CDH12: variants seen among roughly 807,000 people sequenced by gnomAD.
CDH12 encodes the protein cadherin 12, also known as cadherin-12.
CDH12 carries 41 observed loss-of-function variants against 74.1 expected under a neutral mutation model. That is an observed-to-expected ratio of 0.55 (90% CI 0.43 to 0.72). The LOEUF (loss-of-function observed/expected upper bound fraction) is 0.72. Ranked by LOEUF, CDH12 falls within the 30% of genes least tolerant of loss-of-function variation. The pLI, the probability that CDH12 is intolerant of heterozygous loss-of-function variation, is 0.00. For synonymous variants in CDH12, 399 were observed against 355.0 expected, an observed-to-expected ratio of 1.12 and a Z score of -1.39; for missense variants, 945 against 977.2, an observed-to-expected ratio of 0.97 and a Z score of 0.44.
chr5:22,472,538 T>C (rs10036408), intron 2 of CDH12, among the ~76,000 whole-genome samples: 84,056 of 151,908 alleles, frequency 0.55, 23,489 homozygotes, highest in Admixed American at 0.69. Flanking sequence ...CTGGATTTCT[T>C]GTAGGAATTT....
chr5:22,104,132 G>T (rs1485003317), intron 4 of CDH12, among the ~76,000 whole-genome samples: 1 of 152,136 alleles, frequency 6.6e-6, no homozygotes, highest in Non-Finnish European at 1.5e-5. Flanking sequence ...TAATCAAATA[G>T]TAACAGAAAC....
rs571101370 is a variant in CDH12 at position 21,760,971 on chromosome 5, T to C, written c.1516-296A>G. On this transcript the variant is annotated intron_variant, in intron 12 of 14. Coordinates refer to ENST00000382254, the MANE Select transcript of CDH12 (RefSeq NM_004061.5). ...TAAGCAAAGTAAAATTAAAATGTAC[T>C]TGCTTGCATTTTAAATTAGATGAAA... is the stretch of plus-strand genomic sequence containing the variant. 9.5e-4 allele frequency among the ~76,000 whole-genome samples: 145 copies of C among 152,292 alleles called. 4 individuals carry two copies. The highest frequency in any genetic ancestry group is 3.4e-3 in the Middle Eastern group (1 of 294).
At chr5:22,431,204 AATAT>A (rs1428401807) in intron 2 of CDH12, among the ~76,000 whole-genome samples, 2 of 152,186 alleles carry the variant, frequency 1.3e-5, no homozygotes, top group African/African-American at 4.8e-5. Context: ...ACAGCAATCA[AATAT>A]ATTAAGCCAC....
At chr5:22,366,506 G>A (rs1217918599) in intron 3 of CDH12, among the ~76,000 whole-genome samples, 1 of 151,994 alleles carries the variant, frequency 6.6e-6, no homozygotes, top group African/African-American at 2.4e-5. Context: ...TCCTTCTGGA[G>A]ATAAAGTTTA....
Position 22,336,614 on chromosome 5 carries a change from C to G in CDH12, c.-333+68643G>C, listed in dbSNP as rs140817384. Among the ~76,000 whole-genome samples, 264 of 152,340 alleles carry G rather than the reference C, an allele frequency of 1.7e-3. 7 individuals carry two copies. In the East Asian group the frequency reaches 0.037, roughly 21 times the overall value. On this transcript the variant is annotated intron_variant, in intron 3 of 14. Coordinates refer to ENST00000382254, the MANE Select transcript of CDH12 (RefSeq NM_004061.5). ...GCTTCAGAGGGTGCAAGCCACAAGC[C>G]TTAGCAGTTTCCACATGGTGTTGAG...
chr5:22,728,182 C>G (rs1248760776), intron 1 of CDH12, among the ~76,000 whole-genome samples: 7 of 151,664 alleles, frequency 4.6e-5, no homozygotes, highest in Non-Finnish European at 1.0e-4. Context: ...ACTTTAAAAG[C>G]TATTGATTGA....
At chr5:22,087,852 G>A (rs534893835) in intron 4 of CDH12, among the ~76,000 whole-genome samples, 37 of 152,180 alleles carry the variant, frequency 2.4e-4, no homozygotes, top group African/African-American at 8.9e-4. Context: ...GCTCCTACAG[G>A]GATAGATTTA....
chr5:22,768,830 G>C (rs1580981427), intron 1 of CDH12, among the ~76,000 whole-genome samples: 1 of 152,108 alleles, frequency 6.6e-6, no homozygotes, highest in East Asian at 1.9e-4. Flanking sequence ...CTATAATTGT[G>C]GGAAATTTAA....
chr5:22,595,239 G>A (rs544022446), intron 1 of CDH12, among the ~76,000 whole-genome samples: 84 of 152,266 alleles, frequency 5.5e-4, no homozygotes, highest in African/African-American at 1.9e-3. Context: ...AATGCAAGAT[G>A]TAAAATTGAA....
chr5:22,324,430 T>G (rs1050550612), intron 3 of CDH12, among the ~76,000 whole-genome samples: 7 of 152,038 alleles, frequency 4.6e-5, no homozygotes, highest in African/African-American at 1.7e-4. Context: ...GGTGACCGTG[T>G]TAACCCTCTT....
intron 6 of CDH12, among the ~76,000 whole-genome samples, chr5:21,860,444 G>C (rs1032816968): frequency 6.7e-6 from 1 of 149,948 alleles, no homozygotes; most frequent in African/African-American, 2.5e-5. Flanking sequence ...AGGTGGACTT[G>C]TGATGGTTAA....
At chr5:22,679,356 T>C (rs201885680) in intron 1 of CDH12, among the ~76,000 whole-genome samples, 1 of 152,140 alleles carries the variant, frequency 6.6e-6, no homozygotes, top group African/African-American at 2.4e-5. Flanking sequence ...CTCCTTTTCT[T>C]TCTTCCTCTA....
intron 3 of CDH12, among the ~76,000 whole-genome samples, chr5:22,327,732 G>A (rs1490963934): frequency 6.6e-6 from 1 of 151,976 alleles, no homozygotes; most frequent in East Asian, 1.9e-4. Flanking sequence ...TTTATCTTAA[G>A]TCATCTCCTG....
intron 1 of CDH12, among the ~76,000 whole-genome samples, chr5:22,621,180 G>C (rs556974436): frequency 1.3e-5 from 2 of 152,210 alleles, no homozygotes; most frequent in Admixed American, 1.3e-4. Flanking sequence ...CAATCTCTCC[G>C]AGTCTGCTTC....
intron 10 of CDH12, among the ~76,000 whole-genome samples, chr5:21,794,733 A>G (rs1746687585): frequency 6.6e-6 from 1 of 151,728 alleles, no homozygotes. Context: ...AGTCCTAGCT[A>G]TTGTTAAAAG....
chr5:22,809,565 C>T (rs1447229562), intron 1 of CDH12, among the ~76,000 whole-genome samples: 1 of 151,506 alleles, frequency 6.6e-6, no homozygotes, highest in African/African-American at 2.4e-5. Flanking sequence ...TATGGGCAGG[C>T]TTATCTGGAT....
intron 13 of CDH12, 55 bp downstream of exon 13, chr5:21,760,503 T>G: frequency 1.2e-6 from 1 of 836,938 alleles, no homozygotes; most frequent in South Asian, 1.4e-5. Flanking sequence ...CCTCCCTTTG[T>G]GCCTTTTTAC....
intron 1 of CDH12, among the ~76,000 whole-genome samples, chr5:22,845,969 G>A (rs924791854): frequency 6.6e-6 from 1 of 152,044 alleles, no homozygotes; most frequent in African/African-American, 2.4e-5. Context: ...AGGTGACTGT[G>A]GTATAGGAAG....
At chr5:22,584,099 T>C (rs919020988) in intron 1 of CDH12, among the ~76,000 whole-genome samples, 103 of 151,410 alleles carry the variant, frequency 6.8e-4, no homozygotes, top group African/African-American at 2.4e-3. Context: ...TATTTATTTA[T>C]TTATTTATTT....
Sources: allele counts gnomAD v4.1 joint callset (sites outside exome capture counted in the v4.1 genomes callset), GRCh38; gene constraint gnomAD v4.1.1; transcripts MANE v1.5; gene names NCBI Gene and HGNC (gene_info 2026-07-23, HGNC 2026-07-21).